RBM45: variants seen among roughly 807,000 people sequenced by gnomAD.
The protein encoded by RBM45 is RNA-binding protein 45.
A neutral mutation model predicts 58.5 loss-of-function variants in RBM45; 39 were observed. The observed-to-expected ratio is 0.67, with a 90% confidence interval of 0.52 to 0.87. RBM45 has a LOEUF of 0.87. Among genes scored for constraint, RBM45 ranks in the 40% least tolerant of loss-of-function variants. RBM45 has a pLI of 0.00. For missense variants in RBM45, 481 were observed against 581.6 expected (o/e 0.83, Z 1.78); for synonymous variants, 193 against 203.0 (o/e 0.95, Z 0.42).
intron 2 of RBM45, 44 bp from the exon 3 acceptor site, chr2:178,118,011 A>G (rs1182309444): frequency 6.7e-7 from 1 of 1,483,682 alleles, no homozygotes; most frequent in Admixed American, 2.1e-5. Context: ...ACTCTGTTCA[A>G]TTAATTTTAA....
In RBM45 at chr2:178,123,096, G is replaced by A. The variant is rs576781671; in HGVS notation, c.854-426G>A. On this transcript the variant is annotated intron_variant, in intron 5 of 9. Transcript: ENST00000286070. ...CCTCTCCCTACTGCTGCAGATAGCC[G>A]GGATGAGTATATATTCTTTTCAACT... Among the ~76,000 whole-genome samples, 36 of 152,154 alleles carry A rather than the reference G, an allele frequency of 2.4e-4. 1 individual carries two copies. The highest frequency in any genetic ancestry group is 9.8e-4 in the Admixed American group (15 of 15,282).
Position 178,121,246 on chromosome 2 carries a change from G to T in RBM45, c.740G>T (p.Arg247Leu), listed in dbSNP as rs546729723. ...DSRGQEAISK[R>L]LSVVSRVPFT... ...CGAGGCCAGGAAGCAATCTCCAAAC[G>T]CTTGTCAGTTGTATCAAGAGTTCCT... The change falls in exon 5 of 10, where the codon CGC becomes CTC. Residue 247 changes from arginine to leucine, a missense_variant. Coordinates refer to ENST00000286070, the MANE Select transcript of RBM45 (RefSeq NM_152945.4). The T allele has an allele frequency of 1.3e-6, 2 of 1,587,000 alleles. No individual in the cohort carries two copies. The highest frequency in any genetic ancestry group is 8.6e-7 in the Non-Finnish European group (1 of 1,163,644).
intron 2 of RBM45, among the ~76,000 whole-genome samples, 157 bp from the exon 3 acceptor site, chr2:178,117,898 G>GC (rs977733247): frequency 1.3e-5 from 2 of 151,058 alleles, no homozygotes; most frequent in African/African-American, 4.8e-5. Flanking sequence ...TATGAAATAA[G>GC]CATATTTGCA....
At chr2:178,118,238 A>G (rs543312103) in intron 3 of RBM45, 57 bp downstream of exon 3, 3 of 1,489,730 alleles carry the variant, frequency 2.0e-6, no homozygotes, top group Non-Finnish European at 2.7e-6. Flanking sequence ...ATTATTCTAA[A>G]TAGCTGAATT....
rs760351891 is a variant in RBM45, at chr2:178,112,589, C to T, written c.43C>T (p.Pro15Ser). The change falls in exon 1 of 10, where the codon CCG becomes TCG. Residue 15 changes from proline (P) to serine (S), a missense_variant. Transcript: ENST00000286070. ...CTCTGCGAGCGGCGGGGGCTTCCGCCCGGGCGTGGACAGCCTGGACGAACC... is the reference window on the plus strand; with the variant it reads ...CTCTGCGAGCGGCGGGGGCTTCCGCTCGGGCGTGGACAGCCTGGACGAACC... ...GSSASGGGFR[P>S]GVDSLDEPPN... 2 of 1,610,544 alleles carry T rather than the reference C, an allele frequency of 1.2e-6. No individual in the cohort carries two copies. Among genetic ancestry groups the T allele is most frequent in the Non-Finnish European group, 1.7e-6 (2 of 1,178,628 alleles).
chr2:178,118,054 G>A lies in RBM45; in HGVS notation c.424-1G>A, dbSNP rs752687294. On this transcript the variant is annotated splice_acceptor_variant, in intron 2 of 9. Coordinates refer to ENST00000286070, the MANE Select transcript of RBM45 (RefSeq NM_152945.4). LOFTEE classifies it high-confidence loss of function. ...AAAATCATGTCTTTTAACTCTCTTA[G>A]GTGTATGGAGATATCGAGTATTGCA... The A allele has an allele frequency of 5.6e-6, 9 of 1,602,472 alleles. No homozygotes were observed. The highest frequency in any genetic ancestry group is 2.2e-5 in the East Asian group (1 of 44,778).
In RBM45 at chr2:178,124,219, T is replaced by G. The variant is rs746164355; in HGVS notation, c.1161T>G (p.Pro387=). The change falls in exon 8 of 10, where the codon CCT becomes CCG. Residue 387 remains proline (P), a synonymous_variant. Coordinates refer to ENST00000286070, the MANE Select transcript of RBM45 (RefSeq NM_152945.4). ...AAAAAAAAGCTCCTGCTGAAACTCC[T>G]GTGAAAGAAAGACTTTTTATTGTGT... ...SCKKKAPAET[P]VKERLFIVFN... 1 of 1,609,758 alleles carries G rather than the reference T, an allele frequency of 6.2e-7. No homozygotes were observed. The highest frequency in any genetic ancestry group is 1.3e-5 in the African/African-American group (1 of 74,764).
At chr2:178,116,668 TTTAAG>T (rs1349746385) in intron 2 of RBM45, among the ~76,000 whole-genome samples, 1 of 152,216 alleles carries the variant, frequency 6.6e-6, no homozygotes, top group Non-Finnish European at 1.5e-5. Flanking sequence ...CTCAGAAACT[TTTAAG>T]TAAAGTCACA....
intron 9 of RBM45, among the ~76,000 whole-genome samples, chr2:178,128,351 G>A (rs985491359): frequency 6.6e-6 from 1 of 152,006 alleles, no homozygotes; most frequent in Non-Finnish European, 1.5e-5. Context: ...GAGAGACAAT[G>A]AGTCAACAAA....
intron 3 of RBM45, among the ~76,000 whole-genome samples, chr2:178,135,000 C>T (rs911929044): frequency 6.6e-6 from 1 of 152,166 alleles, no homozygotes; most frequent in Admixed American, 6.6e-5. Flanking sequence ...GAGCAAGACT[C>T]CATCTCAAAA....
chr2:178,125,873 G>A (rs2087922365), intron 8 of RBM45, 111 bp from the exon 9 acceptor site: 2 of 773,286 alleles, frequency 2.6e-6, no homozygotes, highest in Admixed American at 2.0e-5. Context: ...TGAGTTGGAT[G>A]TTGGATCTGG....
At chr2:178,134,938 C>T (rs374003835) in intron 3 of RBM45, among the ~76,000 whole-genome samples, 3 of 152,254 alleles carry the variant, frequency 2.0e-5, no homozygotes, top group Non-Finnish European at 2.9e-5. Flanking sequence ...GAGGCTGACG[C>T]GGAGGTTGCA....
chr2:178,114,953 G>A (rs1056643911), intron 1 of RBM45, among the ~76,000 whole-genome samples: 3 of 152,090 alleles, frequency 2.0e-5, no homozygotes, highest in Non-Finnish European at 4.4e-5. Context: ...GTTGTTTTCA[G>A]CATTTCCAGT....
In RBM45 at chr2:178,112,590, C is replaced by T. The variant is rs763690231; in HGVS notation, c.44C>T (p.Pro15Leu). 21 of 1,611,152 alleles carry T rather than the reference C, an allele frequency of 1.3e-5. No individual in the cohort carries two copies. The East Asian group carries it at 2.5e-4, about 19-fold the overall frequency. ...TCTGCGAGCGGCGGGGGCTTCCGCC[C>T]GGGCGTGGACAGCCTGGACGAACCG... ...GSSASGGGFR[P>L]GVDSLDEPPN... Residue 15 changes from proline (P) to leucine (L), a missense_variant, in exon 1 of 10, where the codon CCG (proline) becomes CTG (leucine). Pro to Leu is a moderately conservative substitution (Grantham distance 98, BLOSUM62 -3). Coordinates refer to ENST00000286070, the MANE Select transcript of RBM45 (RefSeq NM_152945.4).
exon 4 of RBM45, chr2:178,136,851 G>C (rs2088049375): frequency 6.6e-6 from 1 of 152,234 alleles, no homozygotes; most frequent in African/African-American, 2.4e-5. Flanking sequence ...TAAGTAAGCT[G>C]TGGAAGAGCT....
At chr2:178,125,624 G>A in intron 8 of RBM45, 1 of 452,626 alleles carries the variant, frequency 2.2e-6, no homozygotes, top group Non-Finnish European at 4.5e-6. Flanking sequence ...TAAGGAATTT[G>A]TTGTCACCAT....
At chr2:178,121,723 A>G (rs2087855634) in intron 5 of RBM45, among the ~76,000 whole-genome samples, 1 of 152,152 alleles carries the variant, frequency 6.6e-6, no homozygotes. Flanking sequence ...TTAATGCTAG[A>G]CAAAGTTACG....
At chr2:178,128,670 C>A (rs1324579590) in intron 9 of RBM45, among the ~76,000 whole-genome samples, 2 of 152,094 alleles carry the variant, frequency 1.3e-5, no homozygotes, top group African/African-American at 4.8e-5. Context: ...ATATTCAGGG[C>A]AGAGATAAAA....
At chr2:178,123,769 C>G in intron 6 of RBM45, 59 bp from the exon 7 acceptor site, 8 of 1,598,552 alleles carry the variant, frequency 5.0e-6, no homozygotes, top group Non-Finnish European at 6.8e-6. Context: ...ACAAAACAAG[C>G]TACTGTTAAA....
Sources: allele counts gnomAD v4.1 joint callset (sites outside exome capture counted in the v4.1 genomes callset), GRCh38; gene constraint gnomAD v4.1.1; transcripts MANE v1.5; gene names NCBI Gene and HGNC (gene_info 2026-07-23, HGNC 2026-07-21).